The following NALCN variants were observed in gnomAD, a reference collection of about 807,000 sequenced individuals.
The protein encoded by NALCN is sodium leak channel NALCN.
In NALCN, 111 loss-of-function variants were observed where a neutral mutation model predicts 225.3. That is an observed-to-expected ratio of 0.49 (90% CI 0.42 to 0.58). NALCN has a LOEUF of 0.58. Ranked by LOEUF, NALCN falls within the 20% of genes least tolerant of loss-of-function variation. NALCN has a pLI of 0.00. For synonymous variants in NALCN, 764 were observed against 769.0 expected (o/e 0.99, Z 0.11); for missense variants, 1,378 against 2,202.4 (o/e 0.63, Z 7.49).
intron 17 of NALCN, among the ~76,000 whole-genome samples, chr13:101,140,249 T>C (rs968010361): frequency 3.3e-5 from 5 of 152,134 alleles, no homozygotes; most frequent in African/African-American, 1.2e-4. Context: ...AGGGTTCGCT[T>C]CGGGCGGGCG....
At chr13:101,248,347 C>T (rs1377871338) in intron 11 of NALCN, among the ~76,000 whole-genome samples, 2 of 152,170 alleles carry the variant, frequency 1.3e-5, no homozygotes, top group Non-Finnish European at 2.9e-5. Context: ...CTGTTAGTGT[C>T]AACCAAACTA....
intron 6 of NALCN, among the ~76,000 whole-genome samples, chr13:101,374,354 C>T (rs375248652): frequency 7.4e-5 from 11 of 149,414 alleles, no homozygotes; most frequent in Admixed American, 4.7e-4. Context: ...CAGCTCACTG[C>T]AACCTCCGCC....
chr13:101,097,126 C>A (rs1009317942), intron 27 of NALCN, among the ~76,000 whole-genome samples: 1 of 152,130 alleles, frequency 6.6e-6, no homozygotes, highest in Non-Finnish European at 1.5e-5. Context: ...TTCTGGATTA[C>A]CAGCATGATT....
intron 14 of NALCN, among the ~76,000 whole-genome samples, chr13:101,179,668 T>C (rs1041855832): frequency 6.6e-6 from 1 of 152,210 alleles, no homozygotes; most frequent in Non-Finnish European, 1.5e-5. Context: ...GCTTTCTTTC[T>C]GCTGACTTGA....
intron 15 of NALCN, among the ~76,000 whole-genome samples, chr13:101,149,960 T>TG (rs1344669919): frequency 6.6e-6 from 1 of 152,236 alleles, no homozygotes; most frequent in Admixed American, 6.5e-5. Context: ...AGCCCTCCCT[T>TG]GGCCACAGCA....
intron 11 of NALCN, among the ~76,000 whole-genome samples, chr13:101,246,339 G>A (rs992373600): frequency 3.9e-5 from 6 of 152,052 alleles, no homozygotes; most frequent in Non-Finnish European, 8.8e-5. Context: ...AATCATGATG[G>A]ATATCATGAG....
chr13:101,107,466 G>A (rs2035186668), intron 22 of NALCN, 21 bp downstream of exon 22: 3 of 1,613,686 alleles, frequency 1.9e-6, no homozygotes, highest in Non-Finnish European at 2.5e-6. Flanking sequence ...CAAACACCTG[G>A]CTGAAATGAA....
At chr13:101,183,506 C>A (rs2039325265) in intron 14 of NALCN, among the ~76,000 whole-genome samples, 1 of 152,194 alleles carries the variant, frequency 6.6e-6, no homozygotes, top group African/African-American at 2.4e-5. Context: ...GTCCCCCAGG[C>A]TGGAGTGCAG....
chr13:101,352,553 C>A (rs2045936861), intron 6 of NALCN, among the ~76,000 whole-genome samples: 2 of 152,098 alleles, frequency 1.3e-5, no homozygotes, highest in Non-Finnish European at 2.9e-5. Flanking sequence ...TGTTAACAAG[C>A]AGTTGTTATC....
At chr13:101,265,209 C>A (rs2042557756) in intron 10 of NALCN, among the ~76,000 whole-genome samples, 1 of 152,106 alleles carries the variant, frequency 6.6e-6, no homozygotes, top group African/African-American at 2.4e-5. Context: ...TCTTGTATAC[C>A]AGCTCAAATC....
At chr13:101,317,876 T>C (rs1239111653) in intron 7 of NALCN, among the ~76,000 whole-genome samples, 3 of 151,994 alleles carry the variant, frequency 2.0e-5, no homozygotes, top group Non-Finnish European at 4.4e-5. Context: ...ATTATTCCAC[T>C]TTTTTTTAAA....
intron 37 of NALCN, among the ~76,000 whole-genome samples, chr13:101,070,991 G>GA (rs1393860398): frequency 2.6e-5 from 4 of 152,078 alleles, no homozygotes; most frequent in African/African-American, 4.8e-5. Context: ...AAAATGGGGG[G>GA]AAAAACCTCT....
chr13:101,229,995 C>T (rs1192295722), intron 12 of NALCN, among the ~76,000 whole-genome samples: 1 of 152,114 alleles, frequency 6.6e-6, no homozygotes, highest in Non-Finnish European at 1.5e-5. Flanking sequence ...ACACCTGACA[C>T]CTTTGCTTTA....
intron 11 of NALCN, among the ~76,000 whole-genome samples, chr13:101,240,181 A>AT (rs1566475086): frequency 6.6e-6 from 1 of 151,966 alleles, no homozygotes; most frequent in South Asian, 2.1e-4. Flanking sequence ...CAACTTTATG[A>AT]TTTTTTTCTT....
chr13:101,189,111 T>C (rs1001090181), intron 14 of NALCN, among the ~76,000 whole-genome samples: 5 of 152,200 alleles, frequency 3.3e-5, no homozygotes, highest in African/African-American at 1.2e-4. Context: ...TTATCCTCTA[T>C]GTGTATAGTT....
intron 40 of NALCN, among the ~76,000 whole-genome samples, chr13:101,064,521 G>A (rs184999680): frequency 4.0e-4 from 60 of 151,568 alleles, no homozygotes; most frequent in African/African-American, 1.4e-3. Flanking sequence ...AATGTAATAC[G>A]ACAGATGTTC....
At chr13:101,338,204 G>A (rs2045444540) in intron 7 of NALCN, among the ~76,000 whole-genome samples, 1 of 152,164 alleles carries the variant, frequency 6.6e-6, no homozygotes, top group South Asian at 2.1e-4. Flanking sequence ...TATACAGCTC[G>A]TGTAGTGTTA....
rs1010972840 is a variant in NALCN at position 101,260,621 on chromosome 13, A to G, written c.1135-2047T>C. Among the ~76,000 whole-genome samples the G allele has an allele frequency of 2.6e-5, 4 of 152,132 alleles. No individual in the cohort carries two copies. In the East Asian group the frequency reaches 7.7e-4, roughly 29 times the overall value. On this transcript the variant is annotated intron_variant, in intron 10 of 43. Transcript: ENST00000251127. ...TTCATTTGCATTTCTCTGATGATCA[A>G]TGATGTTGAACACCTTTTCATATGC...
intron 11 of NALCN, among the ~76,000 whole-genome samples, chr13:101,257,477 A>C (rs2042277610): frequency 6.6e-6 from 1 of 152,176 alleles, no homozygotes; most frequent in Non-Finnish European, 1.5e-5. Flanking sequence ...TTTATTAACC[A>C]AATCAATTTT....
Sources: gnomAD v4.1 joint callset for allele counts (sites outside exome capture counted in the v4.1 genomes callset) on GRCh38, gnomAD v4.1.1 for gene constraint, MANE v1.5 for transcripts, NCBI Gene and HGNC (gene_info 2026-07-23, HGNC 2026-07-21) for gene names.